TDRD12: variants seen among roughly 807,000 people sequenced by gnomAD.
The protein encoded by TDRD12 is tudor domain containing 12.
Under a neutral mutation model 133.5 loss-of-function variants are expected in TDRD12, and 158 were observed. That is an observed-to-expected ratio of 1.18 (90% CI 1.04 to 1.35). The LOEUF is 1.35. TDRD12 is among the 40% of genes most tolerant of loss of function. TDRD12 has a pLI of 0.00. For missense variants in TDRD12, 1,443 were observed against 1,321.3 expected (o/e 1.09, Z -1.43); for synonymous variants, 460 against 477.9 (o/e 0.96, Z 0.49).
intron 10 of TDRD12, among the ~76,000 whole-genome samples, chr19:32,776,653 G>A (rs1370905922): frequency 6.6e-6 from 1 of 152,140 alleles, no homozygotes; most frequent in Non-Finnish European, 1.5e-5. Flanking sequence ...TGCTGTTGGG[G>A]CCTCATCCAG....
chr19:32,800,435 A>G (rs1971355517), intron 17 of TDRD12, 77 bp downstream of exon 17: 1 of 1,162,612 alleles, frequency 8.6e-7, no homozygotes, highest in Non-Finnish European at 1.2e-6. Flanking sequence ...AACACAAGCA[A>G]GTAACTTTTA....
chr19:32,773,535 A>G lies in TDRD12; in HGVS notation c.1040+3A>G, dbSNP rs1405452165. 6.4e-7 allele frequency: 1 copy of G among 1,551,520 alleles called. No individual in the cohort carries two copies. Among genetic ancestry groups the G allele is most frequent in the Non-Finnish European group, 8.7e-7 (1 of 1,146,840 alleles). On this transcript the variant is annotated splice_donor_region_variant and intron_variant, in intron 10 of 27. Transcript: ENST00000444215. ...GATCCAGATGTACCAGAAGCAAGGT[A>G]TGATTTGAAAATTCAAACTGGGTGT...
exon 3 of TDRD12, chr19:32,738,942 A>G (rs2145462502): frequency 5.8e-6 from 9 of 1,551,110 alleles, no homozygotes; most frequent in Middle Eastern, 3.7e-4. Context: ...AGTACCTGGC[A>G]GAATGTTTCC....
In TDRD12 at chr19:32,790,810, T is replaced by C. The variant is rs535922232; in HGVS notation, c.1183-154T>C. 6.1e-6 allele frequency: 9 copies of C among 1,464,566 alleles called. No individual in the cohort carries two copies. The Admixed American group carries it at 2.5e-4, about 40-fold the overall frequency. 90.7% of individuals were successfully genotyped at this position (1,464,566 alleles called of 1,614,324 possible). On this transcript the variant is annotated intron_variant, in intron 12 of 27. Coordinates refer to ENST00000444215, the Ensembl canonical transcript of TDRD12. ...TAATAAACGATCTTCCTTTTGGTAG[T>C]TTGGTGGTTTTTTTTTTCTTTTTTT...
At chr19:32,726,633 C>T (rs1715738717) in intron 1 of TDRD12, among the ~76,000 whole-genome samples, 1 of 151,892 alleles carries the variant, frequency 6.6e-6, no homozygotes, top group Non-Finnish European at 1.5e-5. Flanking sequence ...AACGTGAGGA[C>T]CCAACTACTT....
intron 4 of TDRD12, among the ~76,000 whole-genome samples, chr19:32,745,661 C>CTG (rs1405165462): frequency 7.1e-6 from 1 of 140,046 alleles, no homozygotes; most frequent in Non-Finnish European, 1.5e-5. Flanking sequence ...TGTGGTTATT[C>CTG]TGTGTGTGTG....
intron 8 of TDRD12, among the ~76,000 whole-genome samples, chr19:32,766,895 A>C (rs573656114): frequency 6.6e-6 from 1 of 151,916 alleles, no homozygotes; most frequent in South Asian, 2.1e-4. Flanking sequence ...GATTACAGGC[A>C]CGAGCCACCA....
At chr19:32,782,015 T>C (rs888907142) in intron 11 of TDRD12, among the ~76,000 whole-genome samples, 93 of 152,090 alleles carry the variant, frequency 6.1e-4, no homozygotes, top group African/African-American at 2.1e-3. Flanking sequence ...ATGTGCGGAA[T>C]GTGCAGTTTT....
At chr19:32,778,654 CACGTCCAGCTAAT>C (rs1363141783) in intron 11 of TDRD12, among the ~76,000 whole-genome samples, 1 of 152,048 alleles carries the variant, frequency 6.6e-6, no homozygotes, top group East Asian at 1.9e-4. Context: ...CGCCTGCCAC[CACGTCCAGCTAAT>C]TTTTGTATTT....
At chr19:32,804,942 A>AAG in intron 21 of TDRD12, among the ~76,000 whole-genome samples, 1 of 151,790 alleles carries the variant, frequency 6.6e-6, no homozygotes, top group East Asian at 1.9e-4. Context: ...GCATTCTCCT[A>AAG]TATTTCTAGA....
At chr19:32,745,768 A>G (rs1969588147) in intron 4 of TDRD12, among the ~76,000 whole-genome samples, 1 of 97,080 alleles carries the variant, frequency 1.0e-5, no homozygotes, top group African/African-American at 5.4e-5. Flanking sequence ...TGTGTGAGAG[A>G]GAGAGACTGG....
downstream of TDRD12, chr19:32,821,369 A>AGAGT (rs545141590): frequency 6.8e-5 from 24 of 351,580 alleles, no homozygotes; most frequent in East Asian, 5.7e-4. Flanking sequence ...AGCTCAGCAG[A>AGAGT]GTGTGTGTGT....
At position 32,794,491 on chromosome 19, in the gene TDRD12, A is replaced by G. The variant is rs912874433; in HGVS notation, c.1288-137A>G. ...GTTGGTACTGAGAAAAGATTTGGGGAAACTTAACAAGTTAGGGCTTGGAAA... is the reference window on the plus strand; with the variant it reads ...GTTGGTACTGAGAAAAGATTTGGGGGAACTTAACAAGTTAGGGCTTGGAAA... On this transcript the variant is annotated intron_variant, in intron 13 of 27. Coordinates refer to ENST00000444215, the Ensembl canonical transcript of TDRD12. 1.7e-5 allele frequency: 10 copies of G among 597,524 alleles called. No individual in the cohort carries two copies. In the Admixed American group the frequency reaches 1.8e-4, roughly 11 times the overall value. 37.0% of individuals were successfully genotyped at this position (597,524 alleles called of 1,614,324 possible).
chr19:32,826,866 G>C (rs1237750068), intron 9 of TDRD12, 117 bp downstream of exon 32: 11 of 635,810 alleles, frequency 1.7e-5, no homozygotes, highest in Non-Finnish European at 2.3e-5. Flanking sequence ...GTCAAGCCCT[G>C]AGAAATCAGT....
intron 8 of TDRD12, among the ~76,000 whole-genome samples, chr19:32,766,668 G>A (rs1009752186): frequency 4.0e-5 from 6 of 151,416 alleles, no homozygotes; most frequent in Admixed American, 1.3e-4. Context: ...AGGCTGGAGC[G>A]CGGTGGTGCA....
At chr19:32,808,415 G>C (rs974951465) in intron 22 of TDRD12, among the ~76,000 whole-genome samples, 1 of 152,172 alleles carries the variant, frequency 6.6e-6, no homozygotes, top group African/African-American at 2.4e-5. Flanking sequence ...TCCAGAAGGT[G>C]ACCTGGCCTG....
chr19:32,727,272 G>C (rs1968891713), intron 1 of TDRD12, among the ~76,000 whole-genome samples: 1 of 152,030 alleles, frequency 6.6e-6, no homozygotes, highest in Non-Finnish European at 1.5e-5. Context: ...TATCTTCTTT[G>C]GAGAAATGTC....
intron 16 of TDRD12, among the ~76,000 whole-genome samples, 154 bp from the exon 17 acceptor site, chr19:32,800,013 C>T (rs534540777): frequency 2.0e-5 from 3 of 152,122 alleles, no homozygotes; most frequent in Admixed American, 6.6e-5. Flanking sequence ...GGATTACAGA[C>T]GTGAGCCACC....
chr19:32,817,809 T>C (rs1599627590), intron 26 of TDRD12, among the ~76,000 whole-genome samples: 1 of 150,632 alleles, frequency 6.6e-6, no homozygotes, highest in East Asian at 1.9e-4. Flanking sequence ...CTTCCGGGCG[T>C]GCCTCTGTGC....
Sources: gnomAD v4.1 joint callset for allele counts (sites outside exome capture counted in the v4.1 genomes callset) on GRCh38, gnomAD v4.1.1 for gene constraint, MANE v1.5 for transcripts, NCBI Gene and HGNC (gene_info 2026-07-23, HGNC 2026-07-21) for gene names.